Variants in SLC16A13 observed in about 807,000 individuals in gnomAD.
The protein encoded by SLC16A13 is solute carrier family 16 member 13.
In SLC16A13, 28 loss-of-function variants were observed where a neutral mutation model predicts 28.1. The observed-to-expected ratio is 1.00, with a 90% CI of 0.74 to 1.37. The LOEUF (loss-of-function observed/expected upper bound fraction) is 1.37, where lower values mean the gene tolerates loss of function less well. SLC16A13 is among the 40% of genes most tolerant of loss of function. The pLI is 0.00. For synonymous variants in SLC16A13, 228 were observed against 241.6 expected (o/e 0.94, Z 0.52); for missense variants, 482 against 531.8 (o/e 0.91, Z 0.92).
chr17:7,036,482 T>G lies in SLC16A13; in HGVS notation c.100T>G (p.Phe34Val), dbSNP rs1167375354. Residue 34 changes from phenylalanine (F) to valine (V), a missense_variant, in exon 1 of 4, where the codon TTT becomes GTT. Phe to Val is a conservative substitution (Grantham distance 50, BLOSUM62 -1). Coordinates refer to ENST00000308027, the MANE Select transcript of SLC16A13 (RefSeq NM_201566.3). The stretch of plus-strand genomic sequence containing the variant: ...GCTTGTGTTTGGGGTGCTCCGCTCC[T>G]TTGGGGTCTTCTTCGTGGAGTTTGT... ...SALVFGVLRS[F>V]GVFFVEFVAA... is the part of the protein sequence containing the mutation. 1 of 1,612,432 alleles carries G rather than the reference T, an allele frequency of 6.2e-7. No individual in the cohort carries two copies. Among genetic ancestry groups the G allele is most frequent in the South Asian group, 1.1e-5 (1 of 91,008 alleles).
In SLC16A13 at chr17:7,039,947, G is replaced by A. The variant is rs4796576; in HGVS notation, c.1266G>A (p.Gly422=). The A allele has an allele frequency of 0.65, 1,042,662 of 1,612,962 alleles. 341,777 individuals carry two copies. Among genetic ancestry groups the A allele is most frequent in the East Asian group, 0.78 (34,969 of 44,850 alleles). The part of the protein sequence containing the change: ...LDTKVPLPKE[G]LEED ...CTAAAGTTCCCCTACCCAAGGAGGG[G>A]CTGGAAGAGGACTGAACTCCACAGA... The change falls in exon 4 of 4, where the codon GGG becomes GGA. Residue 422 remains glycine (G), a synonymous_variant. Coordinates refer to ENST00000308027, the MANE Select transcript of SLC16A13 (RefSeq NM_201566.3). The surrounding 1 kb of genome is among the most constrained non-coding windows in gnomAD (Gnocchi z 4.3).
chr17:7,036,486 G>C lies in SLC16A13; in HGVS notation c.104G>C (p.Gly35Ala). ...ALVFGVLRSF[G>A]VFFVEFVAAF... Reference sequence around the variant, plus strand: ...GTGTTTGGGGTGCTCCGCTCCTTTGGGGTCTTCTTCGTGGAGTTTGTGGCG... The same window carrying C: ...GTGTTTGGGGTGCTCCGCTCCTTTGCGGTCTTCTTCGTGGAGTTTGTGGCG... The change falls in exon 1 of 4, where the codon GGG (glycine) becomes GCG (alanine). Residue 35 changes from glycine to alanine, a missense_variant. Physicochemically the swap from Gly to Ala is moderately conservative, Grantham distance 60. Transcript: ENST00000308027. 1 of 1,612,486 alleles carries C rather than the reference G, an allele frequency of 6.2e-7. No homozygotes were observed. The highest frequency in any genetic ancestry group is 1.1e-5 in the South Asian group (1 of 91,012).
In SLC16A13 at chr17:7,038,734, C is replaced by A; in HGVS notation, c.926C>A (p.Ala309Asp). 1.2e-6 allele frequency: 2 copies of A among 1,614,216 alleles called. No individual in the cohort carries two copies. The highest frequency in any genetic ancestry group is 1.6e-4 in the Middle Eastern group (1 of 6,062). Reference sequence around the variant, plus strand: ...GCTCAGGCTCCCACAGCCCTGGTGGCTCTGGCTGTGGCCTACGGCTTCACA... The same window carrying A: ...GCTCAGGCTCCCACAGCCCTGGTGGATCTGGCTGTGGCCTACGGCTTCACA... ...PVAQAPTALV[A>D]LAVAYGFTSG... The change falls in exon 3 of 4, where the codon GCT (alanine) becomes GAT (aspartate). Residue 309 changes from alanine to aspartate, a missense_variant. Coordinates refer to ENST00000308027, the MANE Select transcript of SLC16A13 (RefSeq NM_201566.3). This position sits in a 1 kb window ranked among gnomAD's most constrained non-coding sequence, Gnocchi z 5.7.
In SLC16A13 at chr17:7,038,318, G is replaced by T; in HGVS notation, c.510G>T (p.Gly170=). The T allele has an allele frequency of 6.2e-7, 1 of 1,614,074 alleles. No homozygotes were observed. Among genetic ancestry groups the T allele is most frequent in the South Asian group, 1.1e-5 (1 of 91,084 alleles). ...TGCTCAGCCACTACGCCTGGAGGGG[G>T]TCCCTGCTGCTGGTGTCTGCCCTCT... ...QWLLSHYAWR[G]SLLLVSALSL... is the part of the protein sequence containing the mutation. The change falls in exon 3 of 4, where the codon GGG becomes GGT. Residue 170 remains glycine (G), a synonymous_variant. Coordinates refer to ENST00000308027, the MANE Select transcript of SLC16A13 (RefSeq NM_201566.3). This position sits in a 1 kb window ranked among gnomAD's most constrained non-coding sequence, Gnocchi z 5.7.
chr17:7,038,514 C>T lies in SLC16A13; in HGVS notation c.706C>T (p.His236Tyr), dbSNP rs1189718327. 7 of 1,614,244 alleles carry T rather than the reference C, an allele frequency of 4.3e-6. No individual in the cohort carries two copies. The highest frequency in any genetic ancestry group is 5.1e-6 in the Non-Finnish European group (6 of 1,180,046). Residue 236 changes from histidine to tyrosine, a missense_variant, in exon 3 of 4, where the codon CAC becomes TAC. Transcript: ENST00000308027. The surrounding 1 kb of genome is among the most constrained non-coding windows in gnomAD (Gnocchi z 5.7). ...CACTGGCTACTTCATTCCCTACCTC[C>T]ACCTGGTGGCCCATCTCCAGGACCT... The part of the protein sequence containing the change: ...INTGYFIPYL[H>Y]LVAHLQDLDW...
At position 7,036,367 on chromosome 17, in the gene SLC16A13, C is replaced by G; in HGVS notation, c.-16C>G. The G allele has an allele frequency of 6.2e-7, 1 of 1,600,006 alleles. No homozygotes were observed. On this transcript the variant is annotated 5_prime_UTR_variant, in exon 1 of 4. Coordinates refer to ENST00000308027, the MANE Select transcript of SLC16A13 (RefSeq NM_201566.3). ...CTGCAGAGGCTCTGGGTGGCAGCAGCCCTGTTACCGCTTAGATGGCGCGCA... is the reference window on the plus strand; with the variant it reads ...CTGCAGAGGCTCTGGGTGGCAGCAGGCCTGTTACCGCTTAGATGGCGCGCA...
Position 7,038,946 on chromosome 17 carries a change from G to T in SLC16A13, c.1081+57G>T. The T allele has an allele frequency of 6.4e-7, 1 of 1,551,462 alleles. No homozygotes were observed. Among genetic ancestry groups the T allele is most frequent in the Non-Finnish European group, 8.7e-7 (1 of 1,152,736 alleles). On this transcript the variant is annotated intron_variant, in intron 3 of 3. Coordinates refer to ENST00000308027, the MANE Select transcript of SLC16A13 (RefSeq NM_201566.3). The surrounding 1 kb of genome is among the most constrained non-coding windows in gnomAD (Gnocchi z 5.7). Reference sequence around the variant, plus strand: ...GCTGCCATGTTGCACAACTAGGGGAGGGTACTATTCTCATTACAGTGTATG... The same window carrying T: ...GCTGCCATGTTGCACAACTAGGGGATGGTACTATTCTCATTACAGTGTATG...
chr17:7,037,737 A>G (rs868559363), intron 2 of SLC16A13, among the ~76,000 whole-genome samples: 53 of 145,902 alleles, frequency 3.6e-4, no homozygotes, highest in Middle Eastern at 3.5e-3. Context: ...AAAAAAAAAA[A>G]GAAAAAAAAA....
intron 2 of SLC16A13, among the ~76,000 whole-genome samples, chr17:7,037,492 C>T (rs1910614532): frequency 6.6e-6 from 1 of 151,606 alleles, no homozygotes; most frequent in Admixed American, 6.6e-5. Flanking sequence ...TTTGGGAGGC[C>T]GAGGCGGGCG....
chr17:7,037,001 A>G, intron 2 of SLC16A13, 131 bp downstream of exon 2: 1 of 1,136,098 alleles, frequency 8.8e-7, no homozygotes, highest in Non-Finnish European at 1.2e-6. Flanking sequence ...CCAGAAGGGA[A>G]TTCTTAATAG....
rs532028763 is a variant in SLC16A13, at chr17:7,038,814, A to G, written c.1006A>G (p.Arg336Gly). 14 of 1,613,956 alleles carry G rather than the reference A, an allele frequency of 8.7e-6. No individual in the cohort carries two copies. The African/African-American group carries it at 1.7e-4, about 20-fold the overall frequency. ...FSVLPELIGT[R>G]RIYCGLGLLQ... ...CGTGCTGCCTGAACTAATAGGGACT[A>G]GAAGGATTTACTGTGGCCTGGGACT... The change falls in exon 3 of 4, where the codon AGA (arginine) becomes GGA (glycine). Residue 336 changes from arginine to glycine, a missense_variant. Coordinates refer to ENST00000308027, the MANE Select transcript of SLC16A13 (RefSeq NM_201566.3). This position sits in a 1 kb window ranked among gnomAD's most constrained non-coding sequence, Gnocchi z 5.7.
chr17:7,038,005 C>T lies in SLC16A13; in HGVS notation c.344-147C>T. 1.1e-6 allele frequency: 1 copy of T among 930,786 alleles called. No homozygotes were observed. Among genetic ancestry groups the T allele is most frequent in the Non-Finnish European group, 1.6e-6 (1 of 617,224 alleles). The allele number at this position is 930,786 out of a possible 1,614,324, so 57.7% of individuals were successfully genotyped here. ...GTTAAGTAAAACACACAAGGTTACACAGCTATGAAGTATCCAAGCCAAGAT... is the reference window on the plus strand; with the variant it reads ...GTTAAGTAAAACACACAAGGTTACATAGCTATGAAGTATCCAAGCCAAGAT... On this transcript the variant is annotated intron_variant, in intron 2 of 3. Transcript: ENST00000308027. The surrounding 1 kb of genome is among the most constrained non-coding windows in gnomAD (Gnocchi z 5.7).
chr17:7,039,955 A>C lies in SLC16A13; in HGVS notation c.1274A>C (p.Glu425Ala). The change falls in exon 4 of 4, where the codon GAG becomes GCG. Residue 425 changes from glutamate (E) to alanine (A), a missense_variant. Transcript: ENST00000308027. This position sits in a 1 kb window ranked among gnomAD's most constrained non-coding sequence, Gnocchi z 4.3. ...CCCCTACCCAAGGAGGGGCTGGAAGAGGACTGAACTCCACAGAGTCAGGCC... is the reference window on the plus strand; with the variant it reads ...CCCCTACCCAAGGAGGGGCTGGAAGCGGACTGAACTCCACAGAGTCAGGCC... The part of the protein sequence containing the change: ...KVPLPKEGLE[E>A]D 6.2e-7 allele frequency: 1 copy of C among 1,613,428 alleles called. No individual in the cohort carries two copies. The highest frequency in any genetic ancestry group is 8.5e-7 in the Non-Finnish European group (1 of 1,179,936).
In SLC16A13 at chr17:7,036,733, T is replaced by G. The variant is rs200577398; in HGVS notation, c.206T>G (p.Val69Gly). 2.4e-5 allele frequency: 38 copies of G among 1,612,688 alleles called. No homozygotes were observed. In the East Asian group the frequency reaches 8.5e-4, roughly 36 times the overall value. The change falls in exon 2 of 4, where the codon GTA becomes GGA. Residue 69 changes from valine (V) to glycine (G), a missense_variant. By Grantham distance (109) the Val-to-Gly change is moderately radical. Coordinates refer to ENST00000308027, the MANE Select transcript of SLC16A13 (RefSeq NM_201566.3). Reference protein sequence around the residue: ...GIAVQQFGSPVGSALSTKFGP... With the variant: ...GIAVQQFGSPGGSALSTKFGP... ...GCCCCTTCCACTTCCTCAGGCCCGG[T>G]AGGCAGTGCCCTGAGCACGAAGTTC...
rs370804106 is a variant in SLC16A13 at position 7,039,513 on chromosome 17, G to T, written c.1082-250G>T. On this transcript the variant is annotated intron_variant, in intron 3 of 3. Transcript: ENST00000308027. The surrounding 1 kb of genome is among the most constrained non-coding windows in gnomAD (Gnocchi z 4.3). ...TTGCCAGAAAGAAAGGCACAAGTAT[G>T]CCTGACTCAATCTGGATCTCCAAAT... Among the ~76,000 whole-genome samples the T allele has an allele frequency of 3.9e-5, 6 of 151,984 alleles. No individual in the cohort carries two copies. Among genetic ancestry groups the T allele is most frequent in the African/African-American group, 1.4e-4 (6 of 41,472 alleles).
chr17:7,036,165 C>G lies in SLC16A13; in HGVS notation c.-218C>G. 4 of 507,568 alleles carry G rather than the reference C, an allele frequency of 7.9e-6. No homozygotes were observed. Among genetic ancestry groups the G allele is most frequent in the Non-Finnish European group, 1.4e-5 (4 of 288,500 alleles). 31.4% of individuals were successfully genotyped at this position (507,568 alleles called of 1,614,324 possible). A position where few individuals can be genotyped will look rare whatever the true frequency, so the allele number is the denominator to read the frequency against. ...ACCACGCCCCCGGGAGACTCTGGCC[C>G]GGCCAGCGCGGGCCAGGTCTTCAGT... On this transcript the variant is annotated 5_prime_UTR_variant, in exon 1 of 4. Coordinates refer to ENST00000308027, the MANE Select transcript of SLC16A13 (RefSeq NM_201566.3).
At position 7,038,887 on chromosome 17, in the gene SLC16A13, C is replaced by T; in HGVS notation, c.1079C>T (p.Ser360Leu). ...GGGGGGCTGCTGGGGCCTCCTCTCT[C>T]AGGTAAGTGGAATGGGGTTCCCAGG... is the stretch of plus-strand genomic sequence containing the variant. ...SIGGLLGPPL[S>L]GYLRDVTGNY... The change falls in exon 3 of 4, where the codon TCA becomes TTA. Residue 360 changes from serine (S) to leucine (L), a missense_variant and splice_region_variant. Ser to Leu is a moderately radical substitution (Grantham distance 145). Transcript: ENST00000308027. This position sits in a 1 kb window ranked among gnomAD's most constrained non-coding sequence, Gnocchi z 5.7. The T allele has an allele frequency of 1.9e-6, 3 of 1,603,768 alleles. No individual in the cohort carries two copies. Among genetic ancestry groups the T allele is most frequent in the East Asian group, 2.2e-5 (1 of 44,846 alleles).
rs1393269122 is a variant in SLC16A13 at position 7,036,525 on chromosome 17, A to C, written c.143A>C (p.Gln48Pro). The change falls in exon 1 of 4, where the codon CAG (glutamine) becomes CCG (proline). Residue 48 changes from glutamine (Q) to proline (P), a missense_variant. Transcript: ENST00000308027. ...FVEFVAAFEE[Q>P]AARVSWIASI... is the part of the protein sequence containing the mutation. ...GAGTTTGTGGCGGCGTTTGAGGAGC[A>C]GGCAGCGCGCGTCTCCTGGATCGCC... The C allele has an allele frequency of 6.2e-7, 1 of 1,612,400 alleles. No individual in the cohort carries two copies. The highest frequency in any genetic ancestry group is 8.5e-7 in the Non-Finnish European group (1 of 1,180,044).
intron 2 of SLC16A13, 129 bp downstream of exon 2, chr17:7,036,999 G>A: frequency 1.7e-6 from 2 of 1,159,906 alleles, no homozygotes; most frequent in African/African-American, 3.1e-5. Flanking sequence ...ACCCAGAAGG[G>A]AATTCTTAAT....
Sources: gnomAD v4.1 joint callset for allele counts (sites outside exome capture counted in the v4.1 genomes callset) on GRCh38, gnomAD v4.1.1 for gene constraint, Gnocchi (gnomAD v3.1) non-coding constraint, MANE v1.5 for transcripts, NCBI Gene and HGNC (gene_info 2026-07-23, HGNC 2026-07-21) for gene names.